Variants in CAMSAP2 observed in about 807,000 individuals in gnomAD.
The protein encoded by CAMSAP2 is calmodulin-regulated spectrin-associated protein 2.
Under a neutral mutation model 146.1 loss-of-function variants are expected in CAMSAP2, and 26 were observed. The ratio of observed to expected loss-of-function variants is 0.18; its 90% confidence interval spans 0.13 to 0.25. The LOEUF (loss-of-function observed/expected upper bound fraction) is 0.25, where lower values mean the gene tolerates loss of function less well. CAMSAP2 is among the 10% of genes least tolerant of loss of function. The probability of loss-of-function intolerance (pLI) is 1.00; values close to 1 mark genes in which losing one functional copy is unlikely to be tolerated. For synonymous variants in CAMSAP2, 499 were observed against 596.6 expected (o/e 0.84, Z 2.38); for missense variants, 1,381 against 1,759.3 (o/e 0.78, Z 3.85).
rs780273666 is a variant in CAMSAP2 at position 200,739,789 on chromosome 1, A to C, written c.-39A>C. The C allele has an allele frequency of 1.3e-6, 2 of 1,596,266 alleles. No individual in the cohort carries two copies. The highest frequency in any genetic ancestry group is 1.3e-5 in the African/African-American group (1 of 74,506). ...GTGGTGGCGAGGCCACGCCATGTGA[A>C]GGTTAGGGCCGGGACATCCCGAGGA... On this transcript the variant is annotated 5_prime_UTR_variant, in exon 1 of 17. Coordinates refer to ENST00000358823, the MANE Select transcript of CAMSAP2 (RefSeq NM_203459.4). This position sits in a 1 kb window ranked among gnomAD's most constrained non-coding sequence, Gnocchi z 4.8.
At chr1:200,812,500 C>A (rs1372477632) in intron 3 of CAMSAP2, among the ~76,000 whole-genome samples, 1 of 152,080 alleles carries the variant, frequency 6.6e-6, no homozygotes, top group Non-Finnish European at 1.5e-5. Flanking sequence ...TCCATTCTAC[C>A]AGCCCCAGCA....
At chr1:200,855,631 C>T (rs952812324) in intron 14 of CAMSAP2, among the ~76,000 whole-genome samples, 2 of 151,486 alleles carry the variant, frequency 1.3e-5, no homozygotes, top group African/African-American at 4.8e-5. Context: ...GAGTCTTTCT[C>T]CATTGCCCAG....
At chr1:200,803,722 A>T (rs1666096319) in intron 2 of CAMSAP2, among the ~76,000 whole-genome samples, 1 of 152,088 alleles carries the variant, frequency 6.6e-6, no homozygotes, top group African/African-American at 2.4e-5. Flanking sequence ...TTTGTTTTTT[A>T]ATTTGGGAAG....
Position 200,807,514 on chromosome 1 carries a change from G to A in CAMSAP2, c.538G>A (p.Ala180Thr), listed in dbSNP as rs1354168032. 3.7e-6 allele frequency: 6 copies of A among 1,604,398 alleles called. No homozygotes were observed. Among genetic ancestry groups the A allele is most frequent in the East Asian group, 2.3e-5 (1 of 44,168 alleles). Reference sequence around the variant, plus strand: ...AGATCTGCCCTATGATATTGAGGACGCTGTCATGTACTGGATAAATAAGGT... The same window carrying A: ...AGATCTGCCCTATGATATTGAGGACACTGTCATGTACTGGATAAATAAGGT... ...ATDLPYDIED[A>T]VMYWINKVNE... Residue 180 changes from alanine (A) to threonine (T), a missense_variant, in exon 3 of 17, where the codon GCT becomes ACT. This residue lies in a region of CAMSAP2 where 284 missense variants were observed against 406.9 expected (regional missense o/e 0.70). Transcript: ENST00000358823.
rs1263242921 is a variant in CAMSAP2 at position 200,857,955 on chromosome 1, G to T, written c.4333G>T (p.Ala1445Ser). 1.2e-6 allele frequency: 2 copies of T among 1,613,716 alleles called. No homozygotes were observed. Among genetic ancestry groups the T allele is most frequent in the Admixed American group, 3.3e-5 (2 of 60,002 alleles). ...SDRKQFSHIP[A>S]KTLSASVDAI... Reference sequence around the variant, plus strand: ...CAGGAAACAGTTTAGCCACATACCCGCTAAAACTTTATCTGCCAGTGTTGA... The same window carrying T: ...CAGGAAACAGTTTAGCCACATACCCTCTAAAACTTTATCTGCCAGTGTTGA... The change falls in exon 17 of 17, where the codon GCT becomes TCT. Residue 1445 changes from alanine (A) to serine (S), a missense_variant. Around this residue, in one of 4 missense-constraint regions of CAMSAP2, gnomAD observed 90 missense variants for 174.4 expected, o/e 0.52. Coordinates refer to ENST00000358823, the MANE Select transcript of CAMSAP2 (RefSeq NM_203459.4). This position sits in a 1 kb window ranked among gnomAD's most constrained non-coding sequence, Gnocchi z 4.7.
intron 1 of CAMSAP2, among the ~76,000 whole-genome samples, chr1:200,743,462 G>C (rs1303169761): frequency 6.6e-6 from 1 of 152,110 alleles, no homozygotes. Context: ...GAGAGCAGTG[G>C]GTAGCATTGT....
chr1:200,850,225 CTTT>C lies in CAMSAP2; in HGVS notation c.3460_3462del (p.Phe1154del). 1 of 1,579,954 alleles carries C rather than the reference CTTT, an allele frequency of 6.3e-7. No individual in the cohort carries two copies. The highest frequency in any genetic ancestry group is 8.6e-7 in the Non-Finnish European group (1 of 1,166,282). ...ATGACCAGAAAGTATGCTGTGGATT[CTTT>C]TTTAAGGTGTAGTATTAATCTGCAT... On this transcript the variant is annotated inframe_deletion, in exon 11 of 17. Coordinates refer to ENST00000358823, the MANE Select transcript of CAMSAP2 (RefSeq NM_203459.4).
chr1:200,836,320 G>A lies in CAMSAP2; in HGVS notation c.927+3475G>A, dbSNP rs187330807. Among the ~76,000 whole-genome samples, 400 of 151,942 alleles carry A rather than the reference G, an allele frequency of 2.6e-3. 2 individuals are homozygous for A. The highest frequency in any genetic ancestry group is 1.4e-3 in the Non-Finnish European group (97 of 67,858). The stretch of plus-strand genomic sequence containing the variant: ...GTTCTCTTTCTGTCCCTGTGTTTTC[G>A]TCACATAAGTGAGAGCATGTGGTGT... On this transcript the variant is annotated intron_variant, in intron 6 of 16. Coordinates refer to ENST00000358823, the MANE Select transcript of CAMSAP2 (RefSeq NM_203459.4).
intron 2 of CAMSAP2, among the ~76,000 whole-genome samples, chr1:200,768,695 C>G (rs1665027780): frequency 6.6e-6 from 1 of 152,026 alleles, no homozygotes; most frequent in African/African-American, 2.4e-5. Flanking sequence ...TGCTCTGTCA[C>G]CAGGCTGGAG....
At position 200,859,794 on chromosome 1, in the gene CAMSAP2, CAGTT is replaced by C. The variant is rs1448916287; in HGVS notation, c.*1738_*1741del. ...ACCTTTTGGACAGTAATTTCTATCACAGTTAGAAGGAAATGATAGTCAAATACAC... is the reference window on the plus strand; with the variant it reads ...ACCTTTTGGACAGTAATTTCTATCACAGAAGGAAATGATAGTCAAATACAC... On this transcript the variant is annotated 3_prime_UTR_variant, in exon 17 of 17. Transcript: ENST00000358823. 10 of 152,088 alleles carry C rather than the reference CAGTT, an allele frequency of 6.6e-5. No homozygotes were observed. Among genetic ancestry groups the C allele is most frequent in the Non-Finnish European group, 1.3e-4 (9 of 67,924 alleles). The allele number at this position is 152,088 out of a possible 1,614,324, so 9.4% of individuals were successfully genotyped here.
chr1:200,809,489 G>A (rs1305415214), intron 3 of CAMSAP2, among the ~76,000 whole-genome samples: 1 of 152,202 alleles, frequency 6.6e-6, no homozygotes, highest in African/African-American at 2.4e-5. Flanking sequence ...TGTAATCCCA[G>A]CACTTTGGGA....
At chr1:200,789,457 A>G (rs1665687786) in intron 2 of CAMSAP2, among the ~76,000 whole-genome samples, 1 of 151,144 alleles carries the variant, frequency 6.6e-6, no homozygotes, top group Non-Finnish European at 1.5e-5. Flanking sequence ...GCATTGCCTT[A>G]TTTGCTTCTT....
intron 11 of CAMSAP2, among the ~76,000 whole-genome samples, 153 bp from the exon 12 acceptor site, chr1:200,852,388 T>C (rs1412329184): frequency 6.6e-6 from 1 of 152,206 alleles, no homozygotes; most frequent in Non-Finnish European, 1.5e-5. Flanking sequence ...CCGTTCTTCC[T>C]TCATAATTTC....
At chr1:200,758,989 G>A (rs755504337) in intron 1 of CAMSAP2, among the ~76,000 whole-genome samples, 3 of 152,050 alleles carry the variant, frequency 2.0e-5, no homozygotes, top group Non-Finnish European at 2.9e-5. Flanking sequence ...GTTCCAAAAC[G>A]TCAGTCTTAA....
chr1:200,828,553 T>G (rs1172984458), intron 4 of CAMSAP2: 1 of 1,550,024 alleles, frequency 6.5e-7, no homozygotes, highest in East Asian at 2.4e-5. Context: ...TCCCCTTTTT[T>G]CCCGCTGCTT....
chr1:200,813,889 A>G (rs979335827), intron 3 of CAMSAP2, among the ~76,000 whole-genome samples: 5 of 151,982 alleles, frequency 3.3e-5, no homozygotes, highest in African/African-American at 4.8e-5. Context: ...GCTTGAGTCC[A>G]GGAGTTTAAG....
intron 2 of CAMSAP2, among the ~76,000 whole-genome samples, chr1:200,789,877 T>A (rs1404847013): frequency 6.6e-6 from 1 of 152,236 alleles, no homozygotes; most frequent in East Asian, 1.9e-4. Flanking sequence ...TTTTTTAGAT[T>A]TATACTTAGT....
chr1:200,796,256 A>C (rs187452935), intron 2 of CAMSAP2, among the ~76,000 whole-genome samples: 1 of 152,186 alleles, frequency 6.6e-6, no homozygotes, highest in Non-Finnish European at 1.5e-5. Flanking sequence ...TAGTTAAACA[A>C]AATTTTTTGT....
At chr1:200,841,231 A>T (rs1361212936) in intron 6 of CAMSAP2, among the ~76,000 whole-genome samples, 1 of 152,228 alleles carries the variant, frequency 6.6e-6, no homozygotes, top group Non-Finnish European at 1.5e-5. Flanking sequence ...TGAGTTTAAC[A>T]TTACTGAGCA....
Sources: gnomAD v4.1 joint callset for allele counts (sites outside exome capture counted in the v4.1 genomes callset) on GRCh38, gnomAD v4.1.1 for gene constraint, gnomAD v4.1.1 regional missense constraint, Gnocchi (gnomAD v3.1) non-coding constraint, MANE v1.5 for transcripts, NCBI Gene and HGNC (gene_info 2026-07-23, HGNC 2026-07-21) for gene names.